The following IAH1 variants were observed in gnomAD, a reference collection of about 807,000 sequenced individuals.
The protein encoded by IAH1 is isoamyl acetate-hydrolyzing esterase 1 homolog.
A neutral mutation model predicts 26.7 loss-of-function variants in IAH1; 24 were observed. The observed-to-expected ratio is 0.90, with a 90% CI of 0.65 to 1.26. The LOEUF (loss-of-function observed/expected upper bound fraction) is 1.26, where lower values mean the gene tolerates loss of function less well. Ranked by LOEUF, IAH1 falls within the 50% of genes most tolerant of loss-of-function variation. The pLI, the probability that IAH1 is intolerant of heterozygous loss-of-function variation, is 0.00. For missense variants in IAH1, 300 were observed against 299.9 expected (o/e 1.00, Z 0.00); for synonymous variants, 140 against 118.5 (o/e 1.18, Z -1.18).
rs558661044 is a variant in IAH1, at chr2:9,474,948, T to TC, written c.81+305dup. 1 of 958,988 alleles carries TC rather than the reference T, an allele frequency of 1.0e-6. No individual in the cohort carries two copies. The highest frequency in any genetic ancestry group is 3.4e-5 in the South Asian group (1 of 29,710). The allele number at this position is 958,988 out of a possible 1,614,324, so 59.4% of individuals were successfully genotyped here. On this transcript the variant is annotated intron_variant, in intron 1 of 5. Transcript: ENST00000497473. The surrounding 1 kb of genome is among the most constrained non-coding windows in gnomAD (Gnocchi z 4.3). The stretch of plus-strand genomic sequence containing the variant: ...CCACCCGGGTCGAGATGCGCGGTCT[T>TC]CCCCTCAGCGCCCTCCTGGGCAGCG...
intron 5 of IAH1, 142 bp from the exon 6 acceptor site, chr2:9,488,005 T>C (rs1661709934): frequency 1.8e-6 from 1 of 566,238 alleles, no homozygotes. Flanking sequence ...AGCTAATTTT[T>C]GTATTTTTAA....
chr2:9,500,588 A>C (rs748288627), downstream of IAH1, among the ~76,000 whole-genome samples: 44 of 152,244 alleles, frequency 2.9e-4, no homozygotes, highest in Non-Finnish European at 5.9e-4. Flanking sequence ...TTACAAAATC[A>C]AACCAACCAA....
chr2:9,494,713 G>A (rs1344961902), downstream of IAH1: 1 of 1,614,014 alleles, frequency 6.2e-7, no homozygotes, highest in South Asian at 1.1e-5. Flanking sequence ...ATCGACATAG[G>A]GCACACAGCG....
At chr2:9,503,967 A>G in the IAH1 span, among the ~76,000 whole-genome samples, 12 of 152,146 alleles carry the variant, frequency 7.9e-5, no homozygotes, top group Admixed American at 2.0e-4. Context: ...AGCTTGGGCA[A>G]CATGGCAAAA....
intron 5 of IAH1, chr2:9,486,509 T>C (rs1477875389): frequency 2.6e-5 from 4 of 152,150 alleles, no homozygotes; most frequent in African/African-American, 9.7e-5. Context: ...TATTATATGA[T>C]AGCATCTAAA....
At chr2:9,495,865 T>A (rs1662553885) in intron 6 of IAH1, among the ~76,000 whole-genome samples, 6 of 151,456 alleles carry the variant, frequency 4.0e-5, no homozygotes, top group Admixed American at 3.9e-4. Context: ...GTTACCTTTT[T>A]TTTTTTTTTT....
the IAH1 span, among the ~76,000 whole-genome samples, chr2:9,509,762 T>C: frequency 2.6e-5 from 4 of 152,176 alleles, no homozygotes; most frequent in African/African-American, 4.8e-5. Flanking sequence ...ATCTACACCA[T>C]TAAGCTTGAC....
the IAH1 span, among the ~76,000 whole-genome samples, chr2:9,503,765 G>A: frequency 6.6e-6 from 1 of 151,222 alleles, no homozygotes; most frequent in Non-Finnish European, 1.5e-5. Flanking sequence ...TTGAACCCAG[G>A]AGGCGGAGGT....
intron 3 of IAH1, chr2:9,480,842 C>A (rs1457548602): frequency 6.4e-6 from 1 of 156,296 alleles, no homozygotes; most frequent in Non-Finnish European, 1.4e-5. Context: ...GCTGTAAACT[C>A]TTAGCTGTTT....
chr2:9,494,117 T>TA (rs772872167), downstream of IAH1, among the ~76,000 whole-genome samples: 28 of 152,146 alleles, frequency 1.8e-4, no homozygotes, highest in Non-Finnish European at 3.7e-4. Context: ...ACTCTACACA[T>TA]ACACAGTGGA....
downstream of IAH1, chr2:9,491,042 T>C (rs945189134): frequency 6.0e-6 from 9 of 1,499,490 alleles, no homozygotes; most frequent in Middle Eastern, 3.5e-4. Flanking sequence ...GTGAAGGTCT[T>C]TGCCTAACAG....
At chr2:9,494,557 T>G (rs2124966402), downstream of IAH1, 4 of 1,538,030 alleles carry the variant, frequency 2.6e-6, no homozygotes, top group Non-Finnish European at 3.6e-6. Context: ...TTGATTTGTT[T>G]TCATCTGCAA....
chr2:9,474,770 G>A lies in IAH1; in HGVS notation c.81+123G>A. On this transcript the variant is annotated intron_variant, in intron 1 of 5. Transcript: ENST00000497473. The surrounding 1 kb of genome is among the most constrained non-coding windows in gnomAD (Gnocchi z 4.3). ...ACGGCTGGGCCGGAGGCCTGGCCAC[G>A]CCCGTGGAGACACCGGAGGAGTGGC... The A allele has an allele frequency of 1.4e-6, 1 of 715,310 alleles. No individual in the cohort carries two copies. Among genetic ancestry groups the A allele is most frequent in the Non-Finnish European group, 2.1e-6 (1 of 481,166 alleles). 44.3% of individuals were successfully genotyped at this position (715,310 alleles called of 1,614,324 possible). A position where few individuals can be genotyped will look rare whatever the true frequency, so the allele number is the denominator to read the frequency against.
intron 3 of IAH1, among the ~76,000 whole-genome samples, chr2:9,479,884 CTG>C (rs1264387640): frequency 1.4e-5 from 2 of 138,410 alleles, no homozygotes; most frequent in Admixed American, 1.6e-4. Context: ...TCTCGGCTCA[CTG>C]TAACCTCCAC....
rs1420459856 is a variant in IAH1, at chr2:9,476,718, C to T, written c.134+679C>T. On this transcript the variant is annotated intron_variant, in intron 2 of 5. Transcript: ENST00000497473. The stretch of plus-strand genomic sequence containing the variant: ...TGGGGAGCTCCTGAGACTCATTGTC[C>T]AGGGGAGGAATGCCACAAGGTCGAT... Among the ~76,000 whole-genome samples the T allele has an allele frequency of 5.3e-5, 8 of 152,198 alleles. No homozygotes were observed. The East Asian group carries it at 1.2e-3, about 22-fold the overall frequency.
At chr2:9,474,430 C>G (rs1322549969), upstream of IAH1, 2 of 463,266 alleles carry the variant, frequency 4.3e-6, no homozygotes, top group Non-Finnish European at 7.4e-6. The surrounding 1 kb of genome is among the most constrained non-coding windows in gnomAD (Gnocchi z 4.3). Context: ...AAACGGACTC[C>G]AAGGGGCAAC....
chr2:9,494,424 G>C (rs1424126896), downstream of IAH1, among the ~76,000 whole-genome samples: 5 of 152,192 alleles, frequency 3.3e-5, no homozygotes, highest in East Asian at 9.6e-4. Context: ...CTCAGTCTCT[G>C]GGCTCAAAGC....
chr2:9,493,556 C>G (rs1662327733), downstream of IAH1, among the ~76,000 whole-genome samples: 2 of 152,174 alleles, frequency 1.3e-5, no homozygotes, highest in African/African-American at 4.8e-5. Flanking sequence ...TCTGTGCATC[C>G]AAGCTCCACG....
At chr2:9,506,595 G>T in the IAH1 span, among the ~76,000 whole-genome samples, 1 of 152,038 alleles carries the variant, frequency 6.6e-6, no homozygotes, top group Admixed American at 6.5e-5. Flanking sequence ...TCGATCTCTT[G>T]ACCTCATGAT....
Sources: allele counts gnomAD v4.1 joint callset (sites outside exome capture counted in the v4.1 genomes callset), GRCh38; gene constraint gnomAD v4.1.1; non-coding constraint Gnocchi (gnomAD v3.1); transcripts MANE v1.5; gene names NCBI Gene and HGNC (gene_info 2026-07-23, HGNC 2026-07-21).